The following DLC1 variants were observed in gnomAD, a reference collection of about 807,000 sequenced individuals.
DLC1 encodes rho GTPase-activating protein 7.
Under a neutral mutation model 140.3 loss-of-function variants are expected in DLC1, and 54 were observed. The ratio of observed to expected loss-of-function variants is 0.38; its 90% confidence interval spans 0.31 to 0.48. The LOEUF (loss-of-function observed/expected upper bound fraction) is 0.48, where lower values mean the gene tolerates loss of function less well. Ranked by LOEUF, DLC1 falls within the 20% of genes least tolerant of loss-of-function variation. The pLI is 0.96. For missense variants in DLC1, 2,536 were observed against 1,907.0 expected (o/e 1.33, Z -6.14); for synonymous variants, 986 against 728.1 (o/e 1.35, Z -5.70).
At chr8:13,387,876 T>A (rs933777388) in intron 4 of DLC1, among the ~76,000 whole-genome samples, 2 of 152,050 alleles carry the variant, frequency 1.3e-5, no homozygotes, top group Non-Finnish European at 2.9e-5. Flanking sequence ...CAACACTGGG[T>A]TCCTTCACTG....
chr8:13,132,450 C>T (rs1368750207), intron 5 of DLC1, among the ~76,000 whole-genome samples: 1 of 152,102 alleles, frequency 6.6e-6, no homozygotes, highest in East Asian at 1.9e-4. Flanking sequence ...AATTTCCAAG[C>T]GCCACTAGGG....
chr8:13,549,920 T>A (rs897976999), intron 1 of DLC1, among the ~76,000 whole-genome samples: 1 of 152,130 alleles, frequency 6.6e-6, no homozygotes, highest in African/African-American at 2.4e-5. Context: ...AAACTACACG[T>A]GAATAGGCAG....
intron 5 of DLC1, among the ~76,000 whole-genome samples, chr8:13,244,259 G>A (rs1239966398): frequency 1.3e-5 from 2 of 151,076 alleles, no homozygotes; most frequent in African/African-American, 4.9e-5. Context: ...CTGCCTGTCA[G>A]TATGATATTC....
intron 2 of DLC1, among the ~76,000 whole-genome samples, chr8:13,498,144 A>C (rs1801602098): frequency 6.6e-6 from 1 of 152,206 alleles, no homozygotes. Flanking sequence ...AGTGCATACC[A>C]GTGTCAAAAA....
chr8:13,557,542 G>C (rs1804091764), intron 1 of DLC1: 1 of 152,196 alleles, frequency 6.6e-6, no homozygotes, highest in Non-Finnish European at 1.5e-5. Flanking sequence ...TTGGATCATG[G>C]GGGTGGTTTT....
intron 4 of DLC1, among the ~76,000 whole-genome samples, chr8:13,318,121 G>A (rs1341413567): frequency 2.6e-5 from 4 of 152,038 alleles, no homozygotes; most frequent in African/African-American, 9.7e-5. Flanking sequence ...TCAACCTCCT[G>A]AGCCCAAGTG....
chr8:13,552,549 A>G (rs1002644944), intron 1 of DLC1, among the ~76,000 whole-genome samples: 2 of 151,404 alleles, frequency 1.3e-5, no homozygotes, highest in Non-Finnish European at 1.5e-5. Flanking sequence ...GAGTGAATAT[A>G]TATTTTTCCA....
intron 5 of DLC1, among the ~76,000 whole-genome samples, chr8:13,151,361 A>G (rs950758272): frequency 6.6e-6 from 1 of 152,164 alleles, no homozygotes; most frequent in South Asian, 2.1e-4. Flanking sequence ...CAATCTTATG[A>G]TTATTAATAT....
intron 2 of DLC1, among the ~76,000 whole-genome samples, chr8:13,452,590 T>G (rs62492209): frequency 0.26 from 39,757 of 152,146 alleles, 6,502 homozygotes; most frequent in Middle Eastern, 0.39. Context: ...TATTGCTTTG[T>G]TTTCTGACTT....
At chr8:13,371,868 T>C (rs1389918148) in intron 4 of DLC1, among the ~76,000 whole-genome samples, 6 of 152,124 alleles carry the variant, frequency 3.9e-5, no homozygotes, top group Non-Finnish European at 7.3e-5. Flanking sequence ...TCAATAATTA[T>C]TGAATGAGTA....
intron 2 of DLC1, among the ~76,000 whole-genome samples, chr8:13,454,764 G>T (rs1300761576): frequency 6.6e-6 from 1 of 152,132 alleles, no homozygotes; most frequent in African/African-American, 2.4e-5. Flanking sequence ...ATGTTGCCCA[G>T]GCTGGTCTCA....
chr8:13,248,724 C>T (rs1829870602), intron 5 of DLC1, among the ~76,000 whole-genome samples: 1 of 152,154 alleles, frequency 6.6e-6, no homozygotes, highest in Non-Finnish European at 1.5e-5. Flanking sequence ...TCCTTCCATC[C>T]CATGTCTCCC....
chr8:13,295,590 C>T (rs1029059706), intron 5 of DLC1, among the ~76,000 whole-genome samples: 3 of 152,090 alleles, frequency 2.0e-5, no homozygotes, highest in Non-Finnish European at 4.4e-5. Context: ...TGTCTTAATT[C>T]TATAATAGAA....
intron 2 of DLC1, among the ~76,000 whole-genome samples, chr8:13,448,388 G>T (rs1200715713): frequency 6.8e-6 from 1 of 147,000 alleles, no homozygotes. Context: ...TTTTGAGACA[G>T]GGTCTCGCTC....
At chr8:13,129,906 T>G (rs1472232601) in intron 5 of DLC1, among the ~76,000 whole-genome samples, 1 of 152,304 alleles carries the variant, frequency 6.6e-6, no homozygotes, top group East Asian at 1.9e-4. Context: ...TCTGGAGTCT[T>G]TCAGGGTCTT....
At chr8:13,431,252 G>C (rs1251972514) in intron 2 of DLC1, among the ~76,000 whole-genome samples, 1 of 151,998 alleles carries the variant, frequency 6.6e-6, no homozygotes, top group African/African-American at 2.4e-5. Flanking sequence ...TGAGGGCTGA[G>C]GCGGGCGGAT....
intron 5 of DLC1, chr8:13,276,508 G>T (rs1162256718): frequency 7.6e-7 from 1 of 1,308,046 alleles, no homozygotes; most frequent in African/African-American, 1.5e-5. Context: ...CAGGAGGCCG[G>T]CATTGCGGCT....
chr8:13,523,078 G>T (rs903012899), intron 1 of DLC1, among the ~76,000 whole-genome samples: 1 of 152,186 alleles, frequency 6.6e-6, no homozygotes, highest in Non-Finnish European at 1.5e-5. Context: ...TTCAGTGAAA[G>T]GTAGAGCCCT....
chr8:13,154,258 A>T (rs978616233), intron 5 of DLC1, among the ~76,000 whole-genome samples: 1 of 152,118 alleles, frequency 6.6e-6, no homozygotes, highest in Non-Finnish European at 1.5e-5. Context: ...AGCGGGAGGC[A>T]CCCATCAGGG....
Sources: allele counts gnomAD v4.1 joint callset (sites outside exome capture counted in the v4.1 genomes callset), GRCh38; gene constraint gnomAD v4.1.1; transcripts MANE v1.5; gene names NCBI Gene and HGNC (gene_info 2026-07-23, HGNC 2026-07-21).